PLCH1: variants seen among roughly 807,000 people sequenced by gnomAD.
The protein encoded by PLCH1 is 1-phosphatidylinositol 4,5-bisphosphate phosphodiesterase eta-1.
In PLCH1, 60 loss-of-function variants were observed where a neutral mutation model predicts 126.7. The observed-to-expected ratio is 0.47, with a 90% confidence interval of 0.38 to 0.59. PLCH1 has a LOEUF of 0.59. PLCH1 is among the 20% of genes least tolerant of loss of function. The pLI is 0.00. For synonymous variants in PLCH1, 719 were observed against 734.9 expected (o/e 0.98, Z 0.35); for missense variants, 1,723 against 2,040.0 (o/e 0.84, Z 2.99).
chr3:155,656,421 A>G (rs1361437772), intron 2 of PLCH1, among the ~76,000 whole-genome samples: 2 of 152,234 alleles, frequency 1.3e-5, no homozygotes, highest in African/African-American at 2.4e-5. Flanking sequence ...ACACACATAT[A>G]AAACTAACAG....
intron 2 of PLCH1, among the ~76,000 whole-genome samples, chr3:155,621,596 C>G (rs1240695556): frequency 2.0e-5 from 3 of 152,052 alleles, no homozygotes; most frequent in Non-Finnish European, 2.9e-5. Flanking sequence ...AAACACAGCA[C>G]AAGAACTTCG....
chr3:155,613,389 T>C (rs901280487), intron 2 of PLCH1, among the ~76,000 whole-genome samples: 8 of 151,998 alleles, frequency 5.3e-5, no homozygotes, highest in Admixed American at 2.0e-4. Flanking sequence ...AGAATATAGA[T>C]GCAAAAATCC....
chr3:155,518,346 T>C (rs1004294313), intron 11 of PLCH1, among the ~76,000 whole-genome samples: 7 of 152,114 alleles, frequency 4.6e-5, no homozygotes, highest in African/African-American at 1.7e-4. Flanking sequence ...GCCAATTTTT[T>C]CTCATAATGA....
intron 2 of PLCH1, among the ~76,000 whole-genome samples, chr3:155,607,190 A>C (rs541510438): frequency 3.3e-5 from 5 of 152,172 alleles, no homozygotes; most frequent in African/African-American, 4.8e-5. Flanking sequence ...GCAAGTAATC[A>C]AGAGACTGAT....
Position 155,482,573 on chromosome 3 carries a change from G to A in PLCH1, c.3453C>T (p.Leu1151=). ...TSFSLSDVSM[L]CSDIPDLHST... is the part of the protein sequence containing the mutation. ...AATGTAGGTCAGGTATGTCAGAACA[G>A]AGCATGGAGACGTCTGACAAAGAAA... The change falls in exon 23 of 23, where the codon CTC becomes CTT. Residue 1151 remains leucine (L), a synonymous_variant. Transcript: ENST00000460012. 6.2e-7 allele frequency: 1 copy of A among 1,614,196 alleles called. No individual in the cohort carries two copies. The highest frequency in any genetic ancestry group is 8.5e-7 in the Non-Finnish European group (1 of 1,180,024).
In PLCH1 at chr3:155,592,557, G is replaced by A. The variant is rs543660104; in HGVS notation, c.470+1384C>T. ...ACCTCTGTTTAGGGCTGTGTTTAGA[G>A]ATACTGCCTAAAGCTGCAGCAGTTC... is the stretch of plus-strand genomic sequence containing the variant. On this transcript the variant is annotated intron_variant, in intron 4 of 22. Transcript: ENST00000460012. Among the ~76,000 whole-genome samples the A allele has an allele frequency of 2.0e-5, 3 of 151,952 alleles. No homozygotes were observed. In the South Asian group the frequency reaches 6.2e-4, roughly 32 times the overall value.
At chr3:155,644,337 T>C (rs1334438745) in intron 2 of PLCH1, among the ~76,000 whole-genome samples, 2 of 152,166 alleles carry the variant, frequency 1.3e-5, no homozygotes, top group Non-Finnish European at 2.9e-5. Flanking sequence ...GTGTGGTGAT[T>C]CATGCCTGTA....
Position 155,554,239 on chromosome 3 carries a change from G to GT in PLCH1, c.1070-44dup, listed in dbSNP as rs750350996. The GT allele has an allele frequency of 3.8e-6, 6 of 1,588,924 alleles. No homozygotes were observed. The East Asian group carries it at 1.4e-4, about 36-fold the overall frequency. ...TTATATCAACAACCCAAAGTCTCTG[G>GT]TGTTTATTAATATTTCTGGAAATAC... is the stretch of plus-strand genomic sequence containing the variant. On this transcript the variant is annotated intron_variant, in intron 8 of 22. Coordinates refer to ENST00000460012, the MANE Select transcript of PLCH1 (RefSeq NM_014996.4).
chr3:155,726,832 A>G (rs1386059999), intron 1 of PLCH1, among the ~76,000 whole-genome samples: 5 of 148,220 alleles, frequency 3.4e-5, no homozygotes, highest in Non-Finnish European at 7.4e-5. Flanking sequence ...AGTAGCTGGG[A>G]TTACAGGCAC....
chr3:155,525,858 G>C (rs186908824), intron 10 of PLCH1, among the ~76,000 whole-genome samples: 2 of 152,098 alleles, frequency 1.3e-5, no homozygotes, highest in Middle Eastern at 3.4e-3. Flanking sequence ...AAATAAATAT[G>C]GTCAATTGTT....
At chr3:155,724,087 TC>T (rs1302720025) in intron 1 of PLCH1, among the ~76,000 whole-genome samples, 1 of 152,202 alleles carries the variant, frequency 6.6e-6, no homozygotes, top group Non-Finnish European at 1.5e-5. Flanking sequence ...CCAATTTTAT[TC>T]CACTGTGGTC....
In PLCH1 at chr3:155,482,406, G is replaced by A; in HGVS notation, c.3620C>T (p.Ser1207Phe). Residue 1207 changes from serine (S) to phenylalanine (F), a missense_variant, in exon 23 of 23, where the codon TCT (serine) becomes TTT (phenylalanine). Transcript: ENST00000460012. The part of the protein sequence containing the change: ...ETNNQALTVV[S>F]HLHNTSVMSG... Reference sequence around the variant, plus strand: ...CATCACACTGGTATTATGAAGATGAGAAACAACTGTGAGAGCCTGATTGTT... The same window carrying A: ...CATCACACTGGTATTATGAAGATGAAAAACAACTGTGAGAGCCTGATTGTT... 1 of 1,614,144 alleles carries A rather than the reference G, an allele frequency of 6.2e-7. No homozygotes were observed. Among genetic ancestry groups the A allele is most frequent in the Non-Finnish European group, 8.5e-7 (1 of 1,180,032 alleles).
rs189864631 is a variant in PLCH1 at position 155,631,628 on chromosome 3, A to G, written c.80-35250T>C. 3.3e-5 allele frequency among the ~76,000 whole-genome samples: 5 copies of G among 152,370 alleles called. No individual in the cohort carries two copies. In the East Asian group the frequency reaches 9.6e-4, roughly 29 times the overall value. On this transcript the variant is annotated intron_variant, in intron 2 of 22. Transcript: ENST00000460012. ...TGATTCAGCACTCCAATTGCTGATAAGTACCGTAATCAGAAATCTTTTTCC... is the reference window on the plus strand; with the variant it reads ...TGATTCAGCACTCCAATTGCTGATAGGTACCGTAATCAGAAATCTTTTTCC...
In PLCH1 at chr3:155,481,561, C is replaced by G. The variant is rs774216828; in HGVS notation, c.4465G>C (p.Asp1489His). Residue 1489 changes from aspartate (D) to histidine (H), a missense_variant, in exon 23 of 23, where the codon GAC (aspartate) becomes CAC (histidine). Physicochemically the swap from Asp to His is moderately conservative, Grantham distance 81. Transcript: ENST00000460012. The surrounding 1 kb of genome is among the most constrained non-coding windows in gnomAD (Gnocchi z 4.2). The part of the protein sequence containing the change: ...PSPCKSKSLG[D>H]LTSEDIACNF... ...CAGGCAATGTCCTCTGATGTTAAGT[C>G]CCCCAGACTTTTGGATTTGCAAGGA... 3.1e-6 allele frequency: 5 copies of G among 1,614,090 alleles called. No individual in the cohort carries two copies. Among genetic ancestry groups the G allele is most frequent in the Non-Finnish European group, 4.2e-6 (5 of 1,180,016 alleles).
rs764773983 is a variant in PLCH1, at chr3:155,591,484, T to C, written c.470+2457A>G. Reference sequence around the variant, plus strand: ...AAACAACGTATCGCAACAGACTGAATGCAGAAGCAGATAAGAGAACCCATG... The same window carrying C: ...AAACAACGTATCGCAACAGACTGAACGCAGAAGCAGATAAGAGAACCCATG... On this transcript the variant is annotated intron_variant, in intron 4 of 22. Coordinates refer to ENST00000460012, the MANE Select transcript of PLCH1 (RefSeq NM_014996.4). 4.1e-4 allele frequency among the ~76,000 whole-genome samples: 62 copies of C among 152,318 alleles called. 1 individual carries two copies. Among genetic ancestry groups the C allele is most frequent in the Middle Eastern group, 3.4e-3 (1 of 294 alleles).
chr3:155,462,487 T>C (rs549898352), intron 21 of PLCH1, among the ~76,000 whole-genome samples: 1 of 152,272 alleles, frequency 6.6e-6, no homozygotes, highest in South Asian at 2.1e-4. Context: ...TCTTTAAATG[T>C]TGTTTAGGGG....
chr3:155,658,610 T>C (rs1029817228), intron 2 of PLCH1: 2 of 152,218 alleles, frequency 1.3e-5, no homozygotes, highest in African/African-American at 4.8e-5. Flanking sequence ...ATTGGTGCTC[T>C]AAATTTCTTA....
chr3:155,467,262 A>AAT lies in PLCH1; in HGVS notation c.2938+18093_2938+18094insAT, dbSNP rs373851365. ...AGTAGAAGTCTTCTGACCAAAAAAA[A>AAT]AAAATAAAAAAGATAAAGAAAGGAT... On this transcript the variant is annotated intron_variant, in intron 21 of 21. Coordinates refer to the PLCH1 transcript ENST00000494598. Among the ~76,000 whole-genome samples the AAT allele has an allele frequency of 4.7e-4, 71 of 152,184 alleles. 1 individual carries two copies. Among genetic ancestry groups the AAT allele is most frequent in the African/African-American group, 1.6e-3 (68 of 41,564 alleles).
At chr3:155,656,304 T>A (rs943790503) in intron 2 of PLCH1, among the ~76,000 whole-genome samples, 6 of 152,140 alleles carry the variant, frequency 3.9e-5, no homozygotes, top group African/African-American at 1.4e-4. Context: ...AAAAGAAGCA[T>A]AAACTGCTAA....
Sources: gnomAD v4.1 joint callset for allele counts (sites outside exome capture counted in the v4.1 genomes callset) on GRCh38, gnomAD v4.1.1 for gene constraint, Gnocchi (gnomAD v3.1) non-coding constraint, MANE v1.5 for transcripts, NCBI Gene and HGNC (gene_info 2026-07-23, HGNC 2026-07-21) for gene names.